The following SPTBN1 variants were observed in gnomAD, a reference collection of about 807,000 sequenced individuals.
SPTBN1 encodes spectrin beta, non-erythrocytic 1, also known as spectrin beta chain, non-erythrocytic 1.
A neutral mutation model predicts 266.4 loss-of-function variants in SPTBN1; 32 were observed. The observed-to-expected ratio is 0.12, with a 90% CI of 0.09 to 0.16. The LOEUF (loss-of-function observed/expected upper bound fraction) is 0.16, where lower values mean the gene tolerates loss of function less well. Ranked by LOEUF, SPTBN1 falls within the 10% of genes least tolerant of loss-of-function variation. SPTBN1 has a pLI of 1.00. For synonymous variants in SPTBN1, 1,336 were observed against 1,162.2 expected (o/e 1.15, Z -3.04); for missense variants, 2,296 against 3,067.1 (o/e 0.75, Z 5.94).
intron 1 of SPTBN1, among the ~76,000 whole-genome samples, chr2:54,521,081 C>T (rs965702848): frequency 1.3e-5 from 2 of 152,182 alleles, no homozygotes; most frequent in African/African-American, 4.8e-5. Flanking sequence ...TGAGAAAACC[C>T]AGCCCTTTTT....
At position 54,584,037 on chromosome 2, in the gene SPTBN1, A is replaced by G. The variant is rs78872410; in HGVS notation, c.149-15055A>G. ...TCCTGTCTGCTTCTACTCCCTTGAGAGAAGACGGTTAATAGTTTGGAAGAT... is the reference window on the plus strand; with the variant it reads ...TCCTGTCTGCTTCTACTCCCTTGAGGGAAGACGGTTAATAGTTTGGAAGAT... On this transcript the variant is annotated intron_variant, in intron 2 of 35. Coordinates refer to ENST00000356805, the MANE Select transcript of SPTBN1 (RefSeq NM_003128.3). Among the ~76,000 whole-genome samples, 26 of 152,354 alleles carry G rather than the reference A, an allele frequency of 1.7e-4. No homozygotes were observed. In the East Asian group the frequency reaches 4.6e-3, roughly 27 times the overall value.
chr2:54,495,529 T>C (rs1668920895), intron 1 of SPTBN1, among the ~76,000 whole-genome samples: 1 of 152,212 alleles, frequency 6.6e-6, no homozygotes, highest in African/African-American at 2.4e-5. Context: ...TCTGTAGAAA[T>C]TAAGGAAAAT....
intron 2 of SPTBN1, among the ~76,000 whole-genome samples, chr2:54,584,936 G>T (rs531190370): frequency 7.6e-4 from 115 of 152,288 alleles, no homozygotes; most frequent in African/African-American, 2.5e-3. Flanking sequence ...TAGGGACAAG[G>T]GAGAGGTGGG....
intron 2 of SPTBN1, chr2:54,557,756 C>A: frequency 3.0e-6 from 3 of 985,420 alleles, no homozygotes; most frequent in Non-Finnish European, 3.6e-6. Flanking sequence ...CCGTGTTATT[C>A]CAGGAAACCA....
chr2:54,660,777 G>A (rs1680980159), intron 32 of SPTBN1: 1 of 985,302 alleles, frequency 1.0e-6, no homozygotes, highest in Admixed American at 6.2e-5. Context: ...GTTGCAGCCA[G>A]CCTCAGGAGT....
At chr2:54,476,786 A>G (rs910961116) in intron 1 of SPTBN1, among the ~76,000 whole-genome samples, 2 of 152,204 alleles carry the variant, frequency 1.3e-5, no homozygotes, top group Non-Finnish European at 2.9e-5. Context: ...AGAGTTGACT[A>G]TTTGAAGAGA....
At chr2:54,481,741 G>A (rs1169366645) in intron 1 of SPTBN1, among the ~76,000 whole-genome samples, 2 of 152,142 alleles carry the variant, frequency 1.3e-5, no homozygotes, top group South Asian at 2.1e-4. Context: ...ACTGTTAGGC[G>A]CAGAGAGTGT....
intron 2 of SPTBN1, among the ~76,000 whole-genome samples, chr2:54,591,686 C>T (rs1196368603): frequency 6.6e-6 from 1 of 152,202 alleles, no homozygotes; most frequent in Non-Finnish European, 1.5e-5. Flanking sequence ...CATCCCTTTC[C>T]ATAACCAGAA....
intron 2 of SPTBN1, among the ~76,000 whole-genome samples, chr2:54,597,863 CTGCT>C (rs1676199446): frequency 2.5e-5 from 3 of 118,454 alleles, no homozygotes; most frequent in Admixed American, 9.2e-5. Flanking sequence ...GTTGAGCTAT[CTGCT>C]TTTTTTTTTT....
chr2:54,646,225 C>G lies in SPTBN1; in HGVS notation c.4616C>G (p.Pro1539Arg). The G allele has an allele frequency of 6.2e-7, 1 of 1,612,980 alleles. No individual in the cohort carries two copies. The highest frequency in any genetic ancestry group is 8.5e-7 in the Non-Finnish European group (1 of 1,179,340). Reference protein sequence around the residue: ...TLQKEIQGHQPRIDDIFERSQ... With the variant: ...TLQKEIQGHQRRIDDIFERSQ... ...CAGAAAGAAATCCAGGGGCACCAGCCTCGCATTGACGACATCTTTGAGAGG... is the reference window on the plus strand; with the variant it reads ...CAGAAAGAAATCCAGGGGCACCAGCGTCGCATTGACGACATCTTTGAGAGG... The change falls in exon 23 of 36, where the codon CCT becomes CGT. Residue 1539 changes from proline to arginine, a missense_variant. Physicochemically the swap from Pro to Arg is moderately radical, Grantham distance 103. This residue lies in a region of SPTBN1 where 644 missense variants were observed against 745.3 expected (regional missense o/e 0.86). Transcript: ENST00000356805. This position sits in a 1 kb window ranked among gnomAD's most constrained non-coding sequence, Gnocchi z 4.4.
At chr2:54,463,477 C>G (rs1693472041) in intron 1 of SPTBN1, among the ~76,000 whole-genome samples, 1 of 152,142 alleles carries the variant, frequency 6.6e-6, no homozygotes, top group Non-Finnish European at 1.5e-5. Flanking sequence ...GGCCCTGGGC[C>G]CCAGGCTTCA....
intron 2 of SPTBN1, among the ~76,000 whole-genome samples, chr2:54,592,733 G>T (rs74259976): frequency 6.6e-6 from 1 of 152,112 alleles, no homozygotes; most frequent in East Asian, 1.9e-4. Context: ...ATTTCAAGTT[G>T]TTTATCAGAA....
Position 54,642,529 on chromosome 2 carries a change from G to T in SPTBN1, c.3859-454G>T, listed in dbSNP as rs367552336. 2.8e-4 allele frequency among the ~76,000 whole-genome samples: 26 copies of T among 92,306 alleles called. No homozygotes were observed. The South Asian group carries it at 8.4e-3, about 30-fold the overall frequency. The allele number at this position is 92,306 out of a possible 152,430, so 60.6% of individuals were successfully genotyped here. A position where few individuals can be genotyped will look rare whatever the true frequency, so the allele number is the denominator to read the frequency against. On this transcript the variant is annotated intron_variant, in intron 18 of 35. Coordinates refer to ENST00000356805, the MANE Select transcript of SPTBN1 (RefSeq NM_003128.3). ...AAAAGGGGGAGGTAATAAATAAGTA[G>T]TTTTTTTTTTTTTTTTTTAATAAAA...
intron 10 of SPTBN1, 47 bp from the exon 11 acceptor site, chr2:54,624,757 A>T: frequency 1.2e-6 from 2 of 1,608,798 alleles, no homozygotes; most frequent in Non-Finnish European, 1.7e-6. Flanking sequence ...TTCCTTGAAC[A>T]CTGCAGGAAA....
chr2:54,590,770 G>T (rs1675621637), intron 2 of SPTBN1, among the ~76,000 whole-genome samples: 2 of 152,230 alleles, frequency 1.3e-5, no homozygotes, highest in African/African-American at 4.8e-5. Flanking sequence ...GGCATGTCAG[G>T]GAAGTTCCCA....
chr2:54,489,177 C>G (rs1380142425), intron 1 of SPTBN1, among the ~76,000 whole-genome samples: 2 of 136,666 alleles, frequency 1.5e-5, no homozygotes, highest in Non-Finnish European at 3.1e-5. Flanking sequence ...AAAAAAAAAC[C>G]AGGCATGGTG....
Position 54,642,874 on chromosome 2 carries a change from T to A in SPTBN1, c.3859-109T>A, listed in dbSNP as rs989372899. ...TTAAATATTTGGTTGTCTGTCACCATGGAAACGTGTGTAGTATGCATAATA... is the reference window on the plus strand; with the variant it reads ...TTAAATATTTGGTTGTCTGTCACCAAGGAAACGTGTGTAGTATGCATAATA... On this transcript the variant is annotated intron_variant, in intron 18 of 35. Transcript: ENST00000356805. 5 of 1,360,506 alleles carry A rather than the reference T, an allele frequency of 3.7e-6. No individual in the cohort carries two copies. In the African/African-American group the frequency reaches 5.9e-5, roughly 16 times the overall value. 84.3% of individuals were successfully genotyped at this position (1,360,506 alleles called of 1,614,324 possible). A position where few individuals can be genotyped will look rare whatever the true frequency, so the allele number is the denominator to read the frequency against.
intron 2 of SPTBN1, among the ~76,000 whole-genome samples, chr2:54,555,250 T>C (rs1306894806): frequency 6.6e-6 from 1 of 152,156 alleles, no homozygotes; most frequent in Middle Eastern, 3.2e-3. Context: ...CTCCCACCTC[T>C]GCACTCAGGA....
chr2:54,647,506 G>A (rs538809962), intron 24 of SPTBN1, among the ~76,000 whole-genome samples: 1 of 152,312 alleles, frequency 6.6e-6, no homozygotes, highest in South Asian at 2.1e-4. Context: ...AGGCTCTCCT[G>A]AAAGAATATT....
Sources: gnomAD v4.1 joint callset for allele counts (sites outside exome capture counted in the v4.1 genomes callset) on GRCh38, gnomAD v4.1.1 for gene constraint, gnomAD v4.1.1 regional missense constraint, Gnocchi (gnomAD v3.1) non-coding constraint, MANE v1.5 for transcripts, NCBI Gene and HGNC (gene_info 2026-07-23, HGNC 2026-07-21) for gene names.